The following ITGA8 variants were observed in gnomAD, a reference collection of about 807,000 sequenced individuals.
The protein encoded by ITGA8 is integrin alpha-8.
ITGA8 carries 91 observed loss-of-function variants against 142.3 expected under a neutral mutation model. The ratio of observed to expected loss-of-function variants is 0.64; its 90% CI spans 0.54 to 0.76. The LOEUF is 0.76. ITGA8 is among the 30% of genes least tolerant of loss of function. The pLI is 0.00. For synonymous variants in ITGA8, 505 were observed against 485.2 expected, an observed-to-expected ratio of 1.04 and a Z score of -0.54; for missense variants, 1,406 against 1,327.7, an observed-to-expected ratio of 1.06 and a Z score of -0.92.
At chr10:15,667,772 G>A (rs1157981073) in intron 8 of ITGA8, among the ~76,000 whole-genome samples, 2 of 148,656 alleles carry the variant, frequency 1.3e-5, no homozygotes, top group African/African-American at 5.0e-5. Flanking sequence ...TCATTTCGTT[G>A]TGTACCCAGT....
chr10:15,647,782 A>G (rs1205138217), intron 11 of ITGA8, among the ~76,000 whole-genome samples: 2 of 152,194 alleles, frequency 1.3e-5, no homozygotes, highest in Admixed American at 1.3e-4. Flanking sequence ...TTTTTAATGC[A>G]GTAATGTTTA....
At chr10:15,584,415 CAG>C (rs1834478869) in intron 23 of ITGA8, among the ~76,000 whole-genome samples, 1 of 152,188 alleles carries the variant, frequency 6.6e-6, no homozygotes, top group African/African-American at 2.4e-5. Context: ...ATTTAGGAAT[CAG>C]GGGACCGCAA....
intron 15 of ITGA8, among the ~76,000 whole-genome samples, chr10:15,610,401 A>G (rs563836333): frequency 6.6e-6 from 1 of 152,362 alleles, no homozygotes; most frequent in Admixed American, 6.5e-5. Context: ...TTGGGTCATT[A>G]GGGAAAGCTG....
At chr10:15,623,440 C>A (rs946018013) in intron 13 of ITGA8, among the ~76,000 whole-genome samples, 4 of 152,156 alleles carry the variant, frequency 2.6e-5, no homozygotes, top group East Asian at 3.8e-4. Flanking sequence ...AATCCCAGCA[C>A]TTTGAAAGGC....
At chr10:15,540,665 T>C (rs569874425) in intron 27 of ITGA8, among the ~76,000 whole-genome samples, 3 of 152,302 alleles carry the variant, frequency 2.0e-5, no homozygotes, top group Admixed American at 6.5e-5. Flanking sequence ...TCATGGAAGA[T>C]TCTTCTGGTG....
intron 13 of ITGA8, among the ~76,000 whole-genome samples, chr10:15,624,229 G>A (rs187728571): frequency 6.6e-5 from 10 of 152,240 alleles, no homozygotes; most frequent in African/African-American, 1.9e-4. Flanking sequence ...TTTGAAACAC[G>A]GTGTTGTATG....
At chr10:15,558,549 CT>C (rs1217271991) in intron 25 of ITGA8, among the ~76,000 whole-genome samples, 2 of 152,290 alleles carry the variant, frequency 1.3e-5, no homozygotes, top group African/African-American at 4.8e-5. Flanking sequence ...TTACTTTCCT[CT>C]CATTGTAGAG....
chr10:15,680,271 A>G (rs940177069), intron 4 of ITGA8, among the ~76,000 whole-genome samples: 1 of 114,412 alleles, frequency 8.7e-6, no homozygotes, highest in Non-Finnish European at 1.6e-5. Context: ...TCTGTTGCCC[A>G]GGCTGGAGTG....
intron 8 of ITGA8, among the ~76,000 whole-genome samples, chr10:15,663,171 A>G (rs1326831554): frequency 6.6e-6 from 1 of 152,196 alleles, no homozygotes; most frequent in Non-Finnish European, 1.5e-5. Flanking sequence ...TGTCTAATTA[A>G]GTAAATCATG....
intron 27 of ITGA8, among the ~76,000 whole-genome samples, chr10:15,534,994 G>A (rs1007396483): frequency 2.6e-5 from 4 of 152,204 alleles, no homozygotes; most frequent in African/African-American, 9.6e-5. Flanking sequence ...GAGAGGCGCA[G>A]GCGGGAACCT....
rs548976299 is a variant in ITGA8 at position 15,669,472 on chromosome 10, C to T, written c.847+2131G>A. The stretch of plus-strand genomic sequence containing the variant: ...CTTTGCCATTGGTTCGAATTTCCTC[C>T]TGTAGCTCAGAGTAGTTTGATCTTC... On this transcript the variant is annotated intron_variant, in intron 8 of 29. Coordinates refer to ENST00000378076, the MANE Select transcript of ITGA8 (RefSeq NM_003638.3). Among the ~76,000 whole-genome samples the T allele has an allele frequency of 9.9e-5, 15 of 152,232 alleles. No individual in the cohort carries two copies. In the South Asian group the frequency reaches 3.1e-3, roughly 32 times the overall value.
chr10:15,593,721 C>A (rs563366570), intron 21 of ITGA8, among the ~76,000 whole-genome samples: 2 of 152,320 alleles, frequency 1.3e-5, no homozygotes, highest in Admixed American at 6.5e-5. Flanking sequence ...TTTGTCATAT[C>A]ATTCATTGCT....
At chr10:15,551,747 A>G (rs937497832) in intron 26 of ITGA8, among the ~76,000 whole-genome samples, 8 of 152,234 alleles carry the variant, frequency 5.3e-5, no homozygotes, top group Non-Finnish European at 1.0e-4. Context: ...CAAAAAACGT[A>G]GGAGGTCTTA....
At chr10:15,520,879 G>T (rs1480673666) in intron 28 of ITGA8, among the ~76,000 whole-genome samples, 1 of 152,184 alleles carries the variant, frequency 6.6e-6, no homozygotes, top group Non-Finnish European at 1.5e-5. Context: ...CCACCCGTCA[G>T]GAGAGGCTGA....
At chr10:15,671,263 G>T (rs555707493) in intron 8 of ITGA8, among the ~76,000 whole-genome samples, 27 of 152,300 alleles carry the variant, frequency 1.8e-4, no homozygotes, top group African/African-American at 4.8e-4. Flanking sequence ...TCCAATATGA[G>T]AGGTACTAGA....
intron 11 of ITGA8, among the ~76,000 whole-genome samples, chr10:15,648,299 A>G (rs1834024255): frequency 6.6e-6 from 1 of 152,036 alleles, no homozygotes; most frequent in African/African-American, 2.4e-5. Flanking sequence ...AGGAACATAT[A>G]TTTGCATTTG....
intron 20 of ITGA8, among the ~76,000 whole-genome samples, chr10:15,601,130 C>G (rs1236968098): frequency 1.3e-5 from 2 of 151,530 alleles, no homozygotes; most frequent in Admixed American, 6.6e-5. Flanking sequence ...TCCCAGCTAC[C>G]CGGGAGGCTG....
At chr10:15,593,789 A>G (rs1564365862) in intron 21 of ITGA8, among the ~76,000 whole-genome samples, 1 of 151,984 alleles carries the variant, frequency 6.6e-6, no homozygotes, top group Admixed American at 6.6e-5. Context: ...TCAAAGTATC[A>G]CAGCTGGTAT....
chr10:15,583,127 A>G (rs901341086), intron 23 of ITGA8, among the ~76,000 whole-genome samples: 2 of 152,232 alleles, frequency 1.3e-5, no homozygotes, highest in African/African-American at 4.8e-5. Flanking sequence ...ATGCCCATCC[A>G]GATAGACTGG....
Sources: gnomAD v4.1 joint callset for allele counts (sites outside exome capture counted in the v4.1 genomes callset) on GRCh38, gnomAD v4.1.1 for gene constraint, MANE v1.5 for transcripts, NCBI Gene and HGNC (gene_info 2026-07-23, HGNC 2026-07-21) for gene names.